BBX: variants seen among roughly 807,000 people sequenced by gnomAD.
The protein encoded by BBX is BBX high mobility group box domain containing.
Under a neutral mutation model 100.2 loss-of-function variants are expected in BBX, and 30 were observed. The ratio of observed to expected loss-of-function variants is 0.30; its 90% CI spans 0.22 to 0.41. The LOEUF (loss-of-function observed/expected upper bound fraction) is 0.41. Among genes scored for constraint, BBX ranks in the 10% least tolerant of loss-of-function variants. The pLI is 1.00. For synonymous variants in BBX, 376 were observed against 388.1 expected (o/e 0.97, Z 0.37); for missense variants, 1,023 against 1,129.8 (o/e 0.91, Z 1.35).
intron 16 of BBX, among the ~76,000 whole-genome samples, 155 bp downstream of exon 16, chr3:107,798,875 G>A (rs2070069959): frequency 6.6e-6 from 1 of 151,562 alleles, no homozygotes; most frequent in South Asian, 2.1e-4. Flanking sequence ...ACCAGGCCAG[G>A]CGCGGTGGCT....
At chr3:107,554,105 C>T (rs922236714) in intron 2 of BBX, among the ~76,000 whole-genome samples, 3 of 151,972 alleles carry the variant, frequency 2.0e-5, no homozygotes, top group Non-Finnish European at 2.9e-5. Flanking sequence ...ATTGAATACG[C>T]GTGTAGAGAA....
chr3:107,560,250 CAT>C (rs1054868279), intron 2 of BBX, among the ~76,000 whole-genome samples: 6 of 151,022 alleles, frequency 4.0e-5, no homozygotes, highest in East Asian at 1.9e-4. Context: ...TGAAAGCAAA[CAT>C]GTGTCTTCTC....
intron 2 of BBX, among the ~76,000 whole-genome samples, chr3:107,591,126 A>G (rs1215761214): frequency 6.6e-6 from 1 of 152,222 alleles, no homozygotes; most frequent in Non-Finnish European, 1.5e-5. Context: ...TAAGTATAGT[A>G]TAATAGATTA....
intron 6 of BBX, among the ~76,000 whole-genome samples, chr3:107,730,863 A>G (rs908710954): frequency 1.1e-4 from 16 of 152,182 alleles, no homozygotes; most frequent in African/African-American, 3.9e-4. Flanking sequence ...ATGAAAGCGA[A>G]CTAATTTGTC....
At chr3:107,528,890 G>A (rs567052858) in intron 2 of BBX, among the ~76,000 whole-genome samples, 1 of 152,164 alleles carries the variant, frequency 6.6e-6, no homozygotes, top group Non-Finnish European at 1.5e-5. Flanking sequence ...AACAGTATAT[G>A]TTTTCTTACA....
At chr3:107,642,159 G>A (rs1175065382) in intron 2 of BBX, among the ~76,000 whole-genome samples, 1 of 152,132 alleles carries the variant, frequency 6.6e-6, no homozygotes, top group East Asian at 1.9e-4. Context: ...TGTGTATGAG[G>A]CCACTGTTGG....
intron 3 of BBX, among the ~76,000 whole-genome samples, chr3:107,675,013 C>A (rs898643809): frequency 8.5e-5 from 13 of 152,220 alleles, no homozygotes; most frequent in African/African-American, 3.1e-4. Flanking sequence ...TTTCAGACTT[C>A]CATTTATGTG....
chr3:107,744,251 G>A (rs901115165), intron 7 of BBX, among the ~76,000 whole-genome samples: 4 of 152,126 alleles, frequency 2.6e-5, no homozygotes, highest in African/African-American at 7.2e-5. Flanking sequence ...TTTACATCTT[G>A]TGGTGATCAG....
intron 2 of BBX, among the ~76,000 whole-genome samples, chr3:107,535,378 A>G (rs2048419177): frequency 6.6e-6 from 1 of 152,078 alleles, no homozygotes; most frequent in Admixed American, 6.5e-5. Flanking sequence ...CTGTAAGATC[A>G]TTGTCAAAGA....
chr3:107,794,144 T>C (rs567637723), intron 15 of BBX, among the ~76,000 whole-genome samples: 2 of 152,264 alleles, frequency 1.3e-5, no homozygotes, highest in South Asian at 2.1e-4. Context: ...ATTGCAATAA[T>C]AATGATGATG....
chr3:107,742,944 C>G (rs906981201), intron 7 of BBX, among the ~76,000 whole-genome samples: 4 of 152,226 alleles, frequency 2.6e-5, no homozygotes, highest in African/African-American at 9.6e-5. Context: ...TTTCTTCATG[C>G]TGTTAATGTG....
chr3:107,596,995 T>A (rs2053709478), intron 2 of BBX, among the ~76,000 whole-genome samples: 1 of 152,224 alleles, frequency 6.6e-6, no homozygotes. Context: ...TTTACTCCTG[T>A]AAAAGAATTT....
intron 3 of BBX, among the ~76,000 whole-genome samples, chr3:107,666,723 C>T (rs1252960348): frequency 6.6e-6 from 1 of 152,186 alleles, no homozygotes; most frequent in Non-Finnish European, 1.5e-5. Flanking sequence ...AGGTGCGTGC[C>T]ACCACGCCCA....
At chr3:107,792,175 A>G (rs1487004620) in intron 15 of BBX, among the ~76,000 whole-genome samples, 1 of 152,246 alleles carries the variant, frequency 6.6e-6, no homozygotes, top group Non-Finnish European at 1.5e-5. Context: ...TCAATGGTTA[A>G]GAGGCCACCT....
intron 3 of BBX, among the ~76,000 whole-genome samples, chr3:107,687,980 G>C (rs1479476774): frequency 6.6e-6 from 1 of 152,066 alleles, no homozygotes; most frequent in Non-Finnish European, 1.5e-5. Flanking sequence ...ACTTGAACCC[G>C]GGAGGCGGAG....
chr3:107,581,423 T>C (rs1318009799), intron 2 of BBX, among the ~76,000 whole-genome samples: 1 of 151,886 alleles, frequency 6.6e-6, no homozygotes, highest in Non-Finnish European at 1.5e-5. Flanking sequence ...TCCCCTTCTG[T>C]GATCTTTCAT....
At chr3:107,714,988 G>A (rs2062001679) in intron 4 of BBX, among the ~76,000 whole-genome samples, 1 of 152,094 alleles carries the variant, frequency 6.6e-6, no homozygotes, top group South Asian at 2.1e-4. Flanking sequence ...GCTTCACCAT[G>A]TTCACCAGGA....
chr3:107,802,980 C>T (rs1285270863), intron 17 of BBX, among the ~76,000 whole-genome samples: 1 of 152,160 alleles, frequency 6.6e-6, no homozygotes, highest in Admixed American at 6.5e-5. Flanking sequence ...TCTCTCAGAC[C>T]ACATTGGGAT....
intron 2 of BBX, among the ~76,000 whole-genome samples, chr3:107,605,705 G>A (rs2054382889): frequency 6.6e-6 from 1 of 152,140 alleles, no homozygotes; most frequent in South Asian, 2.1e-4. Flanking sequence ...AAAGGGACAG[G>A]CATGTATGTC....
Sources: gnomAD v4.1 joint callset for allele counts (sites outside exome capture counted in the v4.1 genomes callset) on GRCh38, gnomAD v4.1.1 for gene constraint, MANE v1.5 for transcripts, NCBI Gene and HGNC (gene_info 2026-07-23, HGNC 2026-07-21) for gene names.